Variants in PDE7A observed in about 807,000 individuals in gnomAD.
The protein encoded by PDE7A is phosphodiesterase 7A, also known as high affinity 3',5'-cyclic-AMP phosphodiesterase 7A.
In PDE7A, 39 loss-of-function variants were observed where a neutral mutation model predicts 64.3. The observed-to-expected ratio is 0.61, with a 90% CI of 0.47 to 0.79. The LOEUF (loss-of-function observed/expected upper bound fraction) is 0.79, where lower values mean the gene tolerates loss of function less well. Ranked by LOEUF, PDE7A falls within the 30% of genes least tolerant of loss-of-function variation. The pLI is 0.00. For missense variants in PDE7A, 470 were observed against 582.8 expected (o/e 0.81, Z 1.99); for synonymous variants, 203 against 206.8 (o/e 0.98, Z 0.16).
At chr8:65,796,266 C>T (rs73242913) in intron 1 of PDE7A, among the ~76,000 whole-genome samples, 28,244 of 151,942 alleles carry the variant, frequency 0.19, 3,592 homozygotes, top group African/African-American at 0.37. Context: ...TTTTTCTCAT[C>T]TGATAACAAC....
intron 7 of PDE7A, among the ~76,000 whole-genome samples, chr8:65,729,938 C>T (rs1009668654): frequency 4.6e-5 from 7 of 152,024 alleles, no homozygotes; most frequent in African/African-American, 1.7e-4. Flanking sequence ...ACCTCCCACA[C>T]ACAGAAGGCA....
At chr8:65,797,182 C>T (rs1301519935) in intron 1 of PDE7A, among the ~76,000 whole-genome samples, 1 of 152,048 alleles carries the variant, frequency 6.6e-6, no homozygotes. Context: ...AATTGTGTCC[C>T]CCCAAAAGAT....
intron 1 of PDE7A, among the ~76,000 whole-genome samples, chr8:65,839,571 A>G (rs1289340251): frequency 6.6e-6 from 1 of 152,212 alleles, no homozygotes; most frequent in Admixed American, 6.5e-5. Flanking sequence ...TTAATTGAGG[A>G]AAATTTCTGT....
In PDE7A at chr8:65,725,491, C is replaced by G. The variant is rs1282940098; in HGVS notation, c.921-570G>C. On this transcript the variant is annotated intron_variant, in intron 9 of 12. Transcript: ENST00000401827. ...CAATCAGTTATCTGTAAATGAATAT[C>G]CAACTTTTCTGAAAGGAAAAAGGTA... 1.9e-5 allele frequency: 3 copies of G among 154,128 alleles called. No homozygotes were observed. In the East Asian group the frequency reaches 5.8e-4, roughly 30 times the overall value. 9.5% of individuals were successfully genotyped at this position (154,128 alleles called of 1,614,324 possible).
At chr8:65,818,299 ATAATG>A (rs1810463739) in intron 1 of PDE7A, among the ~76,000 whole-genome samples, 1 of 152,076 alleles carries the variant, frequency 6.6e-6, no homozygotes. Context: ...GGGATTTTAG[ATAATG>A]TAGTGACTCA....
At chr8:65,749,493 T>TA (rs1044749764) in intron 3 of PDE7A, among the ~76,000 whole-genome samples, 6 of 152,152 alleles carry the variant, frequency 3.9e-5, no homozygotes, top group Non-Finnish European at 7.4e-5. Context: ...TAACTTACTT[T>TA]AAAAAAAGGA....
intron 1 of PDE7A, among the ~76,000 whole-genome samples, chr8:65,829,284 A>G (rs969121017): frequency 6.6e-6 from 1 of 152,142 alleles, no homozygotes; most frequent in Non-Finnish European, 1.5e-5. Flanking sequence ...GTTGCACATA[A>G]ATCACATTTC....
intron 1 of PDE7A, among the ~76,000 whole-genome samples, chr8:65,787,928 C>A (rs1396439647): frequency 6.6e-6 from 1 of 152,128 alleles, no homozygotes; most frequent in Non-Finnish European, 1.5e-5. Context: ...AAAATTAATT[C>A]TTAACTTTTA....
intron 12 of PDE7A, chr8:65,719,816 G>T: frequency 3.2e-6 from 1 of 316,724 alleles, no homozygotes; most frequent in Non-Finnish European, 6.0e-6. Flanking sequence ...TAAACTCTGA[G>T]GATACTCGGG....
chr8:65,760,758 A>G (rs913576920), intron 3 of PDE7A, among the ~76,000 whole-genome samples: 29 of 152,328 alleles, frequency 1.9e-4, no homozygotes, highest in African/African-American at 6.5e-4. Flanking sequence ...CTTACTTTGG[A>G]AAAGCCTAGA....
intron 1 of PDE7A, among the ~76,000 whole-genome samples, chr8:65,831,953 C>T (rs924768524): frequency 6.6e-6 from 1 of 152,138 alleles, no homozygotes; most frequent in African/African-American, 2.4e-5. Context: ...ATTTCACCAC[C>T]CAGCAATAGC....
At chr8:65,822,631 G>C (rs1013171179) in intron 1 of PDE7A, among the ~76,000 whole-genome samples, 2 of 152,208 alleles carry the variant, frequency 1.3e-5, no homozygotes, top group Admixed American at 6.5e-5. Context: ...GCTGTGCTAA[G>C]AGTTAATCCT....
chr8:65,741,284 T>C (rs563798865), intron 5 of PDE7A, among the ~76,000 whole-genome samples: 2 of 152,242 alleles, frequency 1.3e-5, no homozygotes, highest in Admixed American at 1.3e-4. Flanking sequence ...TGCAATAAAA[T>C]ACACGATTCT....
chr8:65,803,460 T>C (rs1290661527), intron 1 of PDE7A, among the ~76,000 whole-genome samples: 1 of 152,228 alleles, frequency 6.6e-6, no homozygotes, highest in Non-Finnish European at 1.5e-5. Context: ...GTCAGCTGCA[T>C]CAGTAATCAG....
Position 65,726,971 on chromosome 8 carries a change from A to T in PDE7A, c.829-5T>A. 1 of 1,532,330 alleles carries T rather than the reference A, an allele frequency of 6.5e-7. No individual in the cohort carries two copies. The highest frequency in any genetic ancestry group is 9.0e-7 in the Non-Finnish European group (1 of 1,107,218). 94.9% of individuals were successfully genotyped at this position (1,532,330 alleles called of 1,614,324 possible). A position where few individuals can be genotyped will look rare whatever the true frequency, so the allele number is the denominator to read the frequency against. The stretch of plus-strand genomic sequence containing the variant: ...ATTTTCCAGTACTGAGGTATTCTAC[A>T]ACAAAGGACGTTTCTGAGTTACTTA... On this transcript the variant is annotated splice_region_variant and splice_polypyrimidine_tract_variant and intron_variant, in intron 8 of 12. Coordinates refer to ENST00000401827, the MANE Select transcript of PDE7A (RefSeq NM_001242318.3).
At chr8:65,734,702 A>G (rs1807049296) in intron 7 of PDE7A, 92 bp downstream of exon 7, 2 of 727,702 alleles carry the variant, frequency 2.7e-6, no homozygotes, top group Non-Finnish European at 4.9e-6. Context: ...TGTGATTTTC[A>G]GTCAAAGCAG....
At chr8:65,777,184 A>G (rs941307106) in intron 3 of PDE7A, among the ~76,000 whole-genome samples, 32 of 146,722 alleles carry the variant, frequency 2.2e-4, no homozygotes, top group African/African-American at 8.2e-4. Context: ...GGTTCAAGCG[A>G]TTCTCCTGCC....
chr8:65,752,981 C>G (rs2128909386), intron 3 of PDE7A, among the ~76,000 whole-genome samples: 1 of 152,240 alleles, frequency 6.6e-6, no homozygotes, highest in South Asian at 2.1e-4. Flanking sequence ...TCTGAATGTA[C>G]ATGTCTAATG....
At chr8:65,772,577 A>G (rs1358424774) in intron 3 of PDE7A, among the ~76,000 whole-genome samples, 1 of 152,228 alleles carries the variant, frequency 6.6e-6, no homozygotes, top group East Asian at 1.9e-4. Context: ...GATATCTTCA[A>G]CTAGTGCAAG....
Sources: gnomAD v4.1 joint callset for allele counts (sites outside exome capture counted in the v4.1 genomes callset) on GRCh38, gnomAD v4.1.1 for gene constraint, MANE v1.5 for transcripts, NCBI Gene and HGNC (gene_info 2026-07-23, HGNC 2026-07-21) for gene names.